Variants in NEMP2 observed in about 807,000 individuals in gnomAD.
The protein encoded by NEMP2 is UPF0571 transmembrane protein.
Under a neutral mutation model 54.2 loss-of-function variants are expected in NEMP2, and 53 were observed. The observed-to-expected ratio is 0.98, with a 90% confidence interval of 0.78 to 1.23. The LOEUF (loss-of-function observed/expected upper bound fraction) is 1.23. NEMP2 is among the 50% of genes most tolerant of loss of function. NEMP2 has a pLI of 0.00. For missense variants in NEMP2, 455 were observed against 511.3 expected (o/e 0.89, Z 1.06); for synonymous variants, 197 against 190.3 (o/e 1.04, Z -0.29).
the NEMP2 span, among the ~76,000 whole-genome samples, chr2:190,480,980 A>G: frequency 6.6e-6 from 1 of 152,248 alleles, no homozygotes; most frequent in Non-Finnish European, 1.5e-5. Context: ...CTATGAATTA[A>G]GCTGAAGCCT....
At chr2:190,482,260 A>G in the NEMP2 span, among the ~76,000 whole-genome samples, 2 of 152,036 alleles carry the variant, frequency 1.3e-5, no homozygotes, top group Admixed American at 1.3e-4. Context: ...TGTGAGCAAG[A>G]AAAGAAAACA....
In NEMP2 at chr2:190,529,395, C is replaced by T. The variant is rs540265783; in HGVS notation, c.98-4017G>A. ...TCCTCAAGATGCCAGCGAGCCCCCACATAAAGTTTCCTCAGTCTGCTGCAA... is the reference window on the plus strand; with the variant it reads ...TCCTCAAGATGCCAGCGAGCCCCCATATAAAGTTTCCTCAGTCTGCTGCAA... On this transcript the variant is annotated intron_variant, in intron 1 of 8. Transcript: ENST00000409150. This position sits in a 1 kb window ranked among gnomAD's most constrained non-coding sequence, Gnocchi z 4.7. Among the ~76,000 whole-genome samples the T allele has an allele frequency of 7.2e-5, 11 of 152,100 alleles. No homozygotes were observed. The highest frequency in any genetic ancestry group is 2.7e-4 in the African/African-American group (11 of 41,384).
At chr2:190,500,433 A>G (rs2125283442), downstream of NEMP2, 2 of 581,064 alleles carry the variant, frequency 3.4e-6, no homozygotes, top group Middle Eastern at 4.7e-4. The surrounding 1 kb of genome is among the most constrained non-coding windows in gnomAD (Gnocchi z 5.3). Flanking sequence ...TGGAATTACA[A>G]CAGGGAAATG....
At chr2:190,492,893 A>G in the NEMP2 span, among the ~76,000 whole-genome samples, 1 of 152,120 alleles carries the variant, frequency 6.6e-6, no homozygotes, top group Non-Finnish European at 1.5e-5. This position sits in a 1 kb window ranked among gnomAD's most constrained non-coding sequence, Gnocchi z 5.2. Context: ...ATCTTGAAAC[A>G]AATCCTGGAA....
chr2:190,493,888 C>T, the NEMP2 span, among the ~76,000 whole-genome samples: 21 of 151,976 alleles, frequency 1.4e-4, no homozygotes, highest in African/African-American at 4.8e-4. Context: ...AAGGTCATAG[C>T]CTAAATGCCT....
intron 3 of NEMP2, 40 bp downstream of exon 3, chr2:190,518,912 A>G (rs552446848): frequency 3.3e-6 from 5 of 1,525,660 alleles, no homozygotes; most frequent in Non-Finnish European, 4.4e-6. Context: ...CTCCAGAAAA[A>G]CTGAATCCAG....
chr2:190,617,459 G>A, the NEMP2 span, among the ~76,000 whole-genome samples: 1 of 152,038 alleles, frequency 6.6e-6, no homozygotes, highest in African/African-American at 2.4e-5. The surrounding 1 kb of genome is among the most constrained non-coding windows in gnomAD (Gnocchi z 5.0). Flanking sequence ...AGAATACCAG[G>A]ATTTCTCCCA....
At chr2:190,588,549 T>C in the NEMP2 span, among the ~76,000 whole-genome samples, 2 of 152,116 alleles carry the variant, frequency 1.3e-5, no homozygotes, top group Non-Finnish European at 2.9e-5. This position sits in a 1 kb window ranked among gnomAD's most constrained non-coding sequence, Gnocchi z 5.0. Flanking sequence ...GGAAAAGGCA[T>C]GCAAATTCAG....
downstream of NEMP2, chr2:190,500,280 A>T: frequency 6.3e-7 from 1 of 1,576,034 alleles, no homozygotes; most frequent in Non-Finnish European, 8.7e-7. This position sits in a 1 kb window ranked among gnomAD's most constrained non-coding sequence, Gnocchi z 5.3. Flanking sequence ...ACACAGGGTG[A>T]GGCCCCCCAG....
At chr2:190,647,086 G>T in the NEMP2 span, among the ~76,000 whole-genome samples, 1 of 152,062 alleles carries the variant, frequency 6.6e-6, no homozygotes, top group East Asian at 1.9e-4. Flanking sequence ...CTCTTTAGTA[G>T]AACAGGATCC....
At chr2:190,448,502 A>C in the NEMP2 span, among the ~76,000 whole-genome samples, 8 of 152,374 alleles carry the variant, frequency 5.3e-5, no homozygotes, top group Admixed American at 2.6e-4. Context: ...AGACTAGATC[A>C]ATATGCCAAC....
chr2:190,532,972 G>C (rs1691203894), intron 1 of NEMP2, among the ~76,000 whole-genome samples: 1 of 152,224 alleles, frequency 6.6e-6, no homozygotes, highest in South Asian at 2.1e-4. Flanking sequence ...GTCTCAGGCA[G>C]AACAGAAGCT....
At chr2:190,498,630 T>C in the NEMP2 span, among the ~76,000 whole-genome samples, 1 of 152,170 alleles carries the variant, frequency 6.6e-6, no homozygotes, top group African/African-American at 2.4e-5. The surrounding 1 kb of genome is among the most constrained non-coding windows in gnomAD (Gnocchi z 5.9). Flanking sequence ...GATAATAAAC[T>C]CACATCATTA....
Position 190,505,437 on chromosome 2 carries a change from G to A in NEMP2, c.*3752C>T, listed in dbSNP as rs1690164496. The A allele has an allele frequency of 6.6e-6, 1 of 152,122 alleles. No homozygotes were observed. Among genetic ancestry groups the A allele is most frequent in the Non-Finnish European group, 1.5e-5 (1 of 68,026 alleles). 9.4% of individuals were successfully genotyped at this position (152,122 alleles called of 1,614,324 possible). On this transcript the variant is annotated 3_prime_UTR_variant, in exon 9 of 9. Coordinates refer to ENST00000409150, the MANE Select transcript of NEMP2 (RefSeq NM_001142645.2). The surrounding 1 kb of genome is among the most constrained non-coding windows in gnomAD (Gnocchi z 5.8). The stretch of plus-strand genomic sequence containing the variant: ...AGTGCCTGATGGATCTCTAGTCAAT[G>A]TTGGTATTCTTTCCCTTTCTCTTTT...
At chr2:190,623,027 T>C in the NEMP2 span, among the ~76,000 whole-genome samples, 1 of 152,196 alleles carries the variant, frequency 6.6e-6, no homozygotes, top group South Asian at 2.1e-4. Flanking sequence ...GTAGCATTTA[T>C]ATATGCCAAC....
Position 190,510,557 on chromosome 2 carries a change from TGC to T in NEMP2, c.954-22_954-21del. 1.3e-6 allele frequency: 2 copies of T among 1,551,606 alleles called. No homozygotes were observed. The highest frequency in any genetic ancestry group is 1.7e-6 in the Non-Finnish European group (2 of 1,146,844). On this transcript the variant is annotated intron_variant, in intron 7 of 8. Transcript: ENST00000409150. The surrounding 1 kb of genome is among the most constrained non-coding windows in gnomAD (Gnocchi z 5.7). ...ATTTTCCTAAAACATGGCATGTGGT[TGC>T]AGGATTACTTCCTAATTCAATCCTT...
chr2:190,542,271 G>A, the NEMP2 span, among the ~76,000 whole-genome samples: 4 of 152,184 alleles, frequency 2.6e-5, no homozygotes, highest in Non-Finnish European at 4.4e-5. This position sits in a 1 kb window ranked among gnomAD's most constrained non-coding sequence, Gnocchi z 4.6. Flanking sequence ...GAGTGCAGTG[G>A]TGCAATCTTG....
At chr2:190,497,819 G>T in the NEMP2 span, 1 of 1,380,544 alleles carries the variant, frequency 7.2e-7, no homozygotes, top group Non-Finnish European at 9.9e-7. The surrounding 1 kb of genome is among the most constrained non-coding windows in gnomAD (Gnocchi z 5.2). Context: ...AAGATTTATT[G>T]AAAGTCTGGT....
chr2:190,507,485 C>T lies in NEMP2; in HGVS notation c.*1704G>A, dbSNP rs1023657924. 6.6e-6 allele frequency: 1 copy of T among 152,156 alleles called. No individual in the cohort carries two copies. The highest frequency in any genetic ancestry group is 1.5e-5 in the Non-Finnish European group (1 of 68,024). 9.4% of individuals were successfully genotyped at this position (152,156 alleles called of 1,614,324 possible). Reference sequence around the variant, plus strand: ...AGCACAGGCACTGATACATCTGATACATTTATATCACCAATAAATATAATT... The same window carrying T: ...AGCACAGGCACTGATACATCTGATATATTTATATCACCAATAAATATAATT... On this transcript the variant is annotated 3_prime_UTR_variant, in exon 9 of 9. Transcript: ENST00000409150. The surrounding 1 kb of genome is among the most constrained non-coding windows in gnomAD (Gnocchi z 4.4).
Sources: gnomAD v4.1 joint callset for allele counts (sites outside exome capture counted in the v4.1 genomes callset) on GRCh38, gnomAD v4.1.1 for gene constraint, Gnocchi (gnomAD v3.1) non-coding constraint, MANE v1.5 for transcripts, NCBI Gene and HGNC (gene_info 2026-07-23, HGNC 2026-07-21) for gene names.